ABI3BP: variants seen among roughly 807,000 people sequenced by gnomAD.
ABI3BP encodes ABI family member 3 binding protein.
Under a neutral mutation model 268.6 loss-of-function variants are expected in ABI3BP, and 216 were observed. The observed-to-expected ratio is 0.80, with a 90% CI of 0.72 to 0.90. ABI3BP has a LOEUF of 0.90. Among genes scored for constraint, ABI3BP ranks in the 40% least tolerant of loss-of-function variants. The pLI is 0.00. For synonymous variants in ABI3BP, 730 were observed against 730.0 expected (o/e 1.00, Z 0.00); for missense variants, 2,090 against 2,182.4 (o/e 0.96, Z 0.84).
chr3:100,851,704 T>A (rs2098841124), intron 15 of ABI3BP, among the ~76,000 whole-genome samples, 171 bp downstream of exon 15: 6 of 152,188 alleles, frequency 3.9e-5, no homozygotes. Context: ...TGTAAAGAAC[T>A]AATCACTCTA....
intron 39 of ABI3BP, among the ~76,000 whole-genome samples, 162 bp downstream of exon 39, chr3:100,820,892 A>C (rs974508946): frequency 1.3e-5 from 2 of 152,248 alleles, no homozygotes; most frequent in Non-Finnish European, 2.9e-5. Context: ...GGGTGATTTA[A>C]GAGTCAGAAT....
At chr3:100,751,503 G>C (rs768219432) in intron 67 of ABI3BP, 49 bp downstream of exon 67, 1 of 1,474,946 alleles carries the variant, frequency 6.8e-7, no homozygotes, top group South Asian at 1.4e-5. Flanking sequence ...ATTTCTTTCT[G>C]AGTTAATCTG....
In ABI3BP at chr3:100,804,847, A is replaced by G; in HGVS notation, c.3702T>C (p.Arg1234=). 1.2e-6 allele frequency: 2 copies of G among 1,613,044 alleles called. No homozygotes were observed. The highest frequency in any genetic ancestry group is 1.7e-6 in the Non-Finnish European group (2 of 1,179,148). ...QTQPVPKVPQ[R]VTAKPKTSPS... ...GTGACGTTTTTGGTTTTGCAGTAAC[A>G]CGCTGGGGCACCTTAGGAACTGAAA... Residue 1234 remains arginine (R), a synonymous_variant, in exon 51 of 68, where the codon CGT becomes CGC. Coordinates refer to ENST00000471714, the MANE Select transcript of ABI3BP (RefSeq NM_001375547.2).
At position 100,890,984 on chromosome 3, in the gene ABI3BP, C is replaced by CTT. The variant is rs35008478; in HGVS notation, c.462-4663_462-4662dup. On this transcript the variant is annotated intron_variant, in intron 4 of 67. Transcript: ENST00000471714. ...TCGTGATAATTTTCAAACTGGTCAA[C>CTT]TTTTTTTTTTTTTTTGTAGACCACA... Among the ~76,000 whole-genome samples the CTT allele has an allele frequency of 9.2e-3, 1,319 of 143,700 alleles. 8 individuals carry two copies. Among genetic ancestry groups the CTT allele is most frequent in the Middle Eastern group, 0.033 (9 of 274 alleles). 94.3% of individuals were successfully genotyped at this position (143,700 alleles called of 152,430 possible).
chr3:100,889,751 G>A (rs1036709868), intron 4 of ABI3BP, among the ~76,000 whole-genome samples: 1 of 152,092 alleles, frequency 6.6e-6, no homozygotes, highest in African/African-American at 2.4e-5. Context: ...TTCTGTGCTT[G>A]GGCCACCTGA....
chr3:100,792,646 G>A (rs767194656), intron 55 of ABI3BP, 45 bp downstream of exon 55: 43 of 1,566,016 alleles, frequency 2.7e-5, no homozygotes, highest in Non-Finnish European at 3.7e-5. Flanking sequence ...CTGATTAAAA[G>A]CAAATAAGGA....
At position 100,825,790 on chromosome 3, in the gene ABI3BP, G is replaced by T. The variant is rs1215857471; in HGVS notation, c.2657C>A (p.Thr886Asn). ...VTFRTEIPAT[T>N]LATKTSKRTR... ...GGTAATTGTAGGGTCGTTACCTAAG[G>T]TTGTTGCAGGGATCTCAGTTCTAAA... The change falls in exon 35 of 68, where the codon ACC becomes AAC. Residue 886 changes from threonine to asparagine, a missense_variant. Transcript: ENST00000471714. 8 of 1,535,390 alleles carry T rather than the reference G, an allele frequency of 5.2e-6. No individual in the cohort carries two copies. Among genetic ancestry groups the T allele is most frequent in the Non-Finnish European group, 6.1e-6 (7 of 1,146,274 alleles).
chr3:100,789,366 G>A, intron 56 of ABI3BP, 88 bp downstream of exon 56: 2 of 1,259,920 alleles, frequency 1.6e-6, no homozygotes, highest in Admixed American at 2.0e-5. Flanking sequence ...CAATGTAAGG[G>A]TTCCCCTTTG....
intron 6 of ABI3BP, among the ~76,000 whole-genome samples, chr3:100,882,902 C>T (rs1401007924): frequency 6.6e-6 from 1 of 151,988 alleles, no homozygotes; most frequent in Non-Finnish European, 1.5e-5. Flanking sequence ...TGTATGCTTC[C>T]TAGGCAACCA....
intron 1 of ABI3BP, among the ~76,000 whole-genome samples, chr3:100,989,340 C>T (rs2092536697): frequency 6.6e-6 from 1 of 152,126 alleles, no homozygotes; most frequent in Non-Finnish European, 1.5e-5. Flanking sequence ...ATTAGGTTTT[C>T]CACATTAAAA....
At chr3:100,860,862 C>G (rs970071935) in intron 14 of ABI3BP, among the ~76,000 whole-genome samples, 1 of 152,128 alleles carries the variant, frequency 6.6e-6, no homozygotes, top group African/African-American at 2.4e-5. Context: ...GGCTCAGGTG[C>G]TCCTGAGGGA....
At chr3:100,860,379 G>T (rs185944606) in intron 14 of ABI3BP, among the ~76,000 whole-genome samples, 8 of 152,332 alleles carry the variant, frequency 5.3e-5, no homozygotes, top group Admixed American at 1.3e-4. Context: ...GGAGTTCTCA[G>T]TTGGAAGTTC....
At chr3:100,951,793 A>C (rs2075157188) in intron 1 of ABI3BP, among the ~76,000 whole-genome samples, 1 of 151,938 alleles carries the variant, frequency 6.6e-6, no homozygotes, top group Non-Finnish European at 1.5e-5. Context: ...TGAAAGGCTA[A>C]ACTTCTAATT....
At chr3:100,831,001 G>A (rs189497226) in intron 31 of ABI3BP, among the ~76,000 whole-genome samples, 21 of 152,264 alleles carry the variant, frequency 1.4e-4, no homozygotes, top group Non-Finnish European at 2.4e-4. Flanking sequence ...AAAAACCAAA[G>A]AGCACTCATT....
chr3:100,937,651 T>A (rs965117967), intron 1 of ABI3BP, among the ~76,000 whole-genome samples: 1 of 152,062 alleles, frequency 6.6e-6, no homozygotes, highest in Non-Finnish European at 1.5e-5. Context: ...TTAGTTTTAA[T>A]AGGGTCTAAT....
At chr3:100,848,088 A>G (rs2098794386) in intron 18 of ABI3BP, among the ~76,000 whole-genome samples, 1 of 152,318 alleles carries the variant, frequency 6.6e-6, no homozygotes, top group Non-Finnish European at 1.5e-5. Context: ...AGTCTTGGAA[A>G]TAAGTTATGT....
intron 4 of ABI3BP, among the ~76,000 whole-genome samples, chr3:100,894,327 GT>G (rs2046142884): frequency 1.3e-5 from 2 of 152,136 alleles, no homozygotes; most frequent in Non-Finnish European, 2.9e-5. Flanking sequence ...GTCATGTTGA[GT>G]TTGAGGTAAT....
Position 100,813,691 on chromosome 3 carries a change from G to C in ABI3BP, c.3334C>G (p.Pro1112Ala), listed in dbSNP as rs1334517797. The change falls in exon 45 of 68, where the codon CCA (proline) becomes GCA (alanine). Residue 1112 changes from proline to alanine, a missense_variant. Transcript: ENST00000471714. The part of the protein sequence containing the change: ...QTLILKPVTS[P>A]SLEMTESQPV... ...TGACTTTCTGTCATTTCTAGGCTTG[G>C]TGATGTCACTGGTTTCAAAATAAGA... The C allele has an allele frequency of 6.5e-7, 1 of 1,535,380 alleles. No individual in the cohort carries two copies. Among genetic ancestry groups the C allele is most frequent in the Non-Finnish European group, 8.7e-7 (1 of 1,146,424 alleles).
chr3:100,867,640 CAAAAA>C (rs5851230), intron 9 of ABI3BP, among the ~76,000 whole-genome samples: 5 of 64,228 alleles, frequency 7.8e-5, no homozygotes, highest in Admixed American at 4.6e-4. Context: ...GACCCCGTCT[CAAAAA>C]AAAAAAAAAA....
Sources: allele counts gnomAD v4.1 joint callset (sites outside exome capture counted in the v4.1 genomes callset), GRCh38; gene constraint gnomAD v4.1.1; transcripts MANE v1.5; gene names NCBI Gene and HGNC (gene_info 2026-07-23, HGNC 2026-07-21).